Variants in OTOGL observed in about 807,000 individuals in gnomAD.
OTOGL encodes otogelin-like protein.
OTOGL carries 285 observed loss-of-function variants against 318.5 expected under a neutral mutation model. That is an observed-to-expected ratio of 0.89 (90% CI 0.81 to 0.99). OTOGL has a LOEUF of 0.99. Ranked by LOEUF, OTOGL falls within the 50% of genes least tolerant of loss-of-function variation. The pLI is 0.00. For missense variants in OTOGL, 2,899 were observed against 2,845.6 expected, an observed-to-expected ratio of 1.02 and a Z score of -0.43; for synonymous variants, 987 against 936.5, an observed-to-expected ratio of 1.05 and a Z score of -0.99.
intron 35 of OTOGL, among the ~76,000 whole-genome samples, chr12:80,327,629 G>C (rs1005300648): frequency 6.6e-6 from 1 of 151,572 alleles, no homozygotes; most frequent in Non-Finnish European, 1.5e-5. Context: ...TAGTGTCAAA[G>C]AGCATGCCAA....
intron 34 of OTOGL, among the ~76,000 whole-genome samples, chr12:80,322,958 AT>A (rs1482450245): frequency 1.3e-5 from 2 of 152,192 alleles, no homozygotes; most frequent in African/African-American, 4.8e-5. Flanking sequence ...CAATTTCCTC[AT>A]TTATAAATTA....
At chr12:80,145,157 C>T (rs1230442485) in intron 1 of OTOGL, among the ~76,000 whole-genome samples, 3 of 150,868 alleles carry the variant, frequency 2.0e-5, no homozygotes, top group Non-Finnish European at 4.4e-5. Context: ...ATGGTATTGC[C>T]TAGGTTTTCT....
At chr12:80,219,790 C>A in intron 5 of OTOGL, 24 bp from the exon 6 acceptor site, 3 of 1,201,530 alleles carry the variant, frequency 2.5e-6, no homozygotes, top group Non-Finnish European at 2.3e-6. Context: ...CAGAAGATAA[C>A]TTTTTTTTTT....
rs1202935581 is a variant in OTOGL, at chr12:80,262,090, A to G, written c.2011A>G (p.Asn671Asp). Residue 671 changes from asparagine (N) to aspartate (D), a missense_variant, in exon 19 of 59, where the codon AAC (asparagine) becomes GAC (aspartate). Transcript: ENST00000547103. ...GGACCCCTGTAACATCAATCAACAA[A>G]ACAGTAAGTTTTGCATGTAAACTTC... ...VVDPCNINQQ[N>D]IGYAAHCDVI... The G allele has an allele frequency of 6.2e-7, 1 of 1,603,904 alleles. No homozygotes were observed. The highest frequency in any genetic ancestry group is 1.3e-5 in the African/African-American group (1 of 74,722).
At position 80,279,095 on chromosome 12, in the gene OTOGL, G is replaced by A. The variant is rs200438973; in HGVS notation, c.2857G>A (p.Asp953Asn). 1.3e-6 allele frequency: 2 copies of A among 1,594,330 alleles called. No homozygotes were observed. The highest frequency in any genetic ancestry group is 8.5e-7 in the Non-Finnish European group (1 of 1,175,990). ...CCCAGCAGTGTGCACAATATACGGG[G>A]ACCGACATTATTATTCTTTTGATGG... ...PCPAVCTIYGDRHYYSFDGLE... is the reference protein window; with the variant it reads ...PCPAVCTIYGNRHYYSFDGLE... Residue 953 changes from aspartate to asparagine, a missense_variant, in exon 26 of 59, where the codon GAC becomes AAC. By Grantham distance (23) the Asp-to-Asn change is conservative (BLOSUM62 1). Coordinates refer to ENST00000547103, the MANE Select transcript of OTOGL (RefSeq NM_001378609.3).
intron 23 of OTOGL, among the ~76,000 whole-genome samples, chr12:80,271,122 C>T (rs375655342): frequency 6.4e-4 from 97 of 152,214 alleles, no homozygotes; most frequent in African/African-American, 2.1e-3. Context: ...CAGGGTGACT[C>T]GCCCCCATTT....
chr12:80,296,817 G>T lies in OTOGL; in HGVS notation c.2929-10G>T. The T allele has an allele frequency of 7.0e-7, 1 of 1,433,634 alleles. No homozygotes were observed. Among genetic ancestry groups the T allele is most frequent in the South Asian group, 1.5e-5 (1 of 67,724 alleles). 88.8% of individuals were successfully genotyped at this position (1,433,634 alleles called of 1,614,324 possible). On this transcript the variant is annotated splice_polypyrimidine_tract_variant and intron_variant, in intron 26 of 58. Coordinates refer to ENST00000547103, the MANE Select transcript of OTOGL (RefSeq NM_001378609.3). ...ATATTTGTATTAATAAAATATTTGT[G>T]ACATTTCAGAGTGCAGATGATTCAG...
intron 1 of OTOGL, among the ~76,000 whole-genome samples, chr12:80,188,342 A>T (rs1174951808): frequency 1.3e-5 from 2 of 152,058 alleles, no homozygotes; most frequent in African/African-American, 2.4e-5. Context: ...GTTCGAGACC[A>T]GCCTGACCAA....
intron 33 of OTOGL, among the ~76,000 whole-genome samples, chr12:80,319,495 T>G (rs1887187207): frequency 6.6e-6 from 1 of 152,188 alleles, no homozygotes; most frequent in African/African-American, 2.4e-5. Flanking sequence ...CTCTTAGTTC[T>G]GAAAACACCT....
At chr12:80,249,985 C>T (rs1042230587) in intron 11 of OTOGL, among the ~76,000 whole-genome samples, 8 of 152,080 alleles carry the variant, frequency 5.3e-5, no homozygotes, top group East Asian at 1.9e-4. Context: ...TGACCCCTTG[C>T]GCTTCCCAGG....
intron 30 of OTOGL, among the ~76,000 whole-genome samples, chr12:80,313,072 G>A (rs1886739048): frequency 6.6e-6 from 1 of 152,112 alleles, no homozygotes; most frequent in Non-Finnish European, 1.5e-5. Context: ...ATAGCCATTA[G>A]GATGTTGCAT....
chr12:80,108,932 G>GTC, intron 1 of OTOGL, among the ~76,000 whole-genome samples: 1 of 92,898 alleles, frequency 1.1e-5, no homozygotes, highest in East Asian at 2.5e-4. Context: ...ATATATATGT[G>GTC]TGTGTATATA....
In OTOGL at chr12:80,108,936, G is replaced by GTGTGTATATATATATATATATATATA. The variant is rs1555268621; in HGVS notation, c.-20+9332_-20+9333insGTGTATATATATATATATATATATAT. Among the ~76,000 whole-genome samples the GTGTGTATATATATATATATATATATA allele has an allele frequency of 7.7e-4, 99 of 128,222 alleles. 3 individuals are homozygous for GTGTGTATATATATATATATATATATA. Among genetic ancestry groups the GTGTGTATATATATATATATATATATA allele is most frequent in the African/African-American group, 3.1e-3 (97 of 31,262 alleles). 84.1% of individuals were successfully genotyped at this position (128,222 alleles called of 152,430 possible). On this transcript the variant is annotated intron_variant, in intron 1 of 58. Coordinates refer to ENST00000547103, the MANE Select transcript of OTOGL (RefSeq NM_001378609.3). Reference sequence around the variant, plus strand: ...TATATGTGTATATATATATGTGTGTGTATATATATATATATATACACACAC... The same window carrying GTGTGTATATATATATATATATATATA: ...TATATGTGTATATATATATGTGTGTGTGTGTATATATATATATATATATATATATATATATATATATATACACACAC...
chr12:80,210,996 C>T (rs1232215554), intron 3 of OTOGL, 110 bp downstream of exon 3: 8 of 663,552 alleles, frequency 1.2e-5, no homozygotes, highest in Non-Finnish European at 1.8e-5. Flanking sequence ...AAATGTTTTA[C>T]AAAAAAGCAT....
At chr12:80,362,281 A>G (rs1890279115) in intron 52 of OTOGL, among the ~76,000 whole-genome samples, 1 of 152,180 alleles carries the variant, frequency 6.6e-6, no homozygotes, top group Non-Finnish European at 1.5e-5. Flanking sequence ...GTCAAAAATT[A>G]ATTGGCCATA....
chr12:80,141,880 G>A (rs994732563), intron 1 of OTOGL, among the ~76,000 whole-genome samples: 11 of 152,104 alleles, frequency 7.2e-5, no homozygotes, highest in Non-Finnish European at 7.4e-5. Context: ...AGCAGAATTC[G>A]TTTTTGGGAG....
intron 1 of OTOGL, among the ~76,000 whole-genome samples, chr12:80,141,049 A>G (rs968435403): frequency 6.6e-6 from 1 of 152,164 alleles, no homozygotes; most frequent in Non-Finnish European, 1.5e-5. Context: ...AGAAACAATG[A>G]TATTTCTGTA....
At chr12:80,356,576 G>T in intron 48 of OTOGL, 56 bp downstream of exon 48, 1 of 1,312,360 alleles carries the variant, frequency 7.6e-7, no homozygotes, top group South Asian at 1.4e-5. Context: ...TCAGAACAGT[G>T]AATTAGATTC....
chr12:80,233,765 AT>A (rs780406964), intron 9 of OTOGL, among the ~76,000 whole-genome samples: 20 of 152,220 alleles, frequency 1.3e-4, no homozygotes, highest in East Asian at 1.2e-3. Context: ...AGGAAGTGCA[AT>A]AAGAAGAGAA....
Sources: allele counts gnomAD v4.1 joint callset (sites outside exome capture counted in the v4.1 genomes callset), GRCh38; gene constraint gnomAD v4.1.1; transcripts MANE v1.5; gene names NCBI Gene and HGNC (gene_info 2026-07-23, HGNC 2026-07-21).